The following SERPINA12 variants were observed in gnomAD, a reference collection of about 807,000 sequenced individuals.
SERPINA12 encodes the protein serpin A12.
SERPINA12 carries 21 observed loss-of-function variants against 25.9 expected under a neutral mutation model. That is an observed-to-expected ratio of 0.81 (90% CI 0.58 to 1.17). The LOEUF (loss-of-function observed/expected upper bound fraction) is 1.17. Ranked by LOEUF, SERPINA12 falls within the 50% of genes most tolerant of loss-of-function variation. The pLI, the probability that SERPINA12 is intolerant of heterozygous loss-of-function variation, is 0.00. For missense variants in SERPINA12, 562 were observed against 508.3 expected (o/e 1.11, Z -1.02); for synonymous variants, 220 against 196.0 (o/e 1.12, Z -1.02).
intron 3 of SERPINA12, among the ~76,000 whole-genome samples, chr14:94,492,852 G>T (rs1900235292): frequency 6.6e-6 from 1 of 152,182 alleles, no homozygotes; most frequent in African/African-American, 2.4e-5. Flanking sequence ...TCCTAAAGGT[G>T]GACCCTGGGA....
chr14:94,489,197 A>AAAAGAAAGAAAGAGAGAAAGAGAGAGAG (rs1900042451), intron 4 of SERPINA12, among the ~76,000 whole-genome samples: 2 of 149,522 alleles, frequency 1.3e-5, no homozygotes, highest in African/African-American at 4.9e-5. Flanking sequence ...CAGAGAAAGA[A>AAAAGAAAGAAAGAGAGAAAGAGAGAGAG]AAAGAAAGAA....
upstream of SERPINA12, chr14:94,511,802 C>G (rs1348532546): frequency 1.2e-6 from 1 of 848,474 alleles, no homozygotes; most frequent in African/African-American, 1.8e-5. Flanking sequence ...CATAAGCTCA[C>G]AGACCAGGGA....
At position 94,496,570 on chromosome 14, in the gene SERPINA12, G is replaced by A. The variant is rs1455079082; in HGVS notation, c.708C>T (p.Val236=). The A allele has an allele frequency of 1.2e-6, 2 of 1,613,968 alleles. No individual in the cohort carries two copies. The highest frequency in any genetic ancestry group is 1.7e-6 in the Non-Finnish European group (2 of 1,179,864). The change falls in exon 3 of 5, where the codon GTC becomes GTT. Residue 236 remains valine, a synonymous_variant. Transcript: ENST00000677451. ...EDFFLEKNSS[V]KVPMMFRSGI... ...CACTACGGAACATCATGGGCACCTT[G>A]ACTGAACTGTTTTTCTCCAGAAAGA...
intron 1 of SERPINA12, among the ~76,000 whole-genome samples, chr14:94,507,732 G>A (rs575993991): frequency 5.3e-5 from 8 of 152,272 alleles, no homozygotes; most frequent in Admixed American, 3.3e-4. Flanking sequence ...CTTATATTGC[G>A]GGTGGGTGTG....
chr14:94,496,210 C>A (rs1413561145), intron 3 of SERPINA12, among the ~76,000 whole-genome samples, 163 bp downstream of exon 3: 1 of 152,218 alleles, frequency 6.6e-6, no homozygotes, highest in East Asian at 1.9e-4. Context: ...CCAGGCACTT[C>A]ACTCTATTCC....
In SERPINA12 at chr14:94,498,043, T is replaced by A; in HGVS notation, c.355A>T (p.Ile119Phe). The change falls in exon 2 of 5, where the codon ATC becomes TTC. Residue 119 changes from isoleucine to phenylalanine, a missense_variant. By Grantham distance (21) the Ile-to-Phe change is conservative. Coordinates refer to ENST00000677451, the MANE Select transcript of SERPINA12 (RefSeq NM_001382267.1). ...EKDLHEGFHY[I>F]IHELTQKTQD... The stretch of plus-strand genomic sequence containing the variant: ...GTCTTCTGGGTCAGCTCGTGGATGA[T>A]GTAATGGAAGCCCTCATGAAGATCT... 1 of 1,614,172 alleles carries A rather than the reference T, an allele frequency of 6.2e-7. No individual in the cohort carries two copies. The highest frequency in any genetic ancestry group is 8.5e-7 in the Non-Finnish European group (1 of 1,180,034).
chr14:94,496,236 A>G (rs1900410907), intron 3 of SERPINA12, 137 bp downstream of exon 3: 1 of 815,292 alleles, frequency 1.2e-6, no homozygotes, highest in Non-Finnish European at 1.9e-6. Flanking sequence ...TTTGTTCCCC[A>G]GTCTAATTCT....
Position 94,489,670 on chromosome 14 carries a change from G to A in SERPINA12, c.1003C>T (p.His335Tyr). ...YIGVSKIFEE[H>Y]GDLTKIAPHR... ...GGGGCGATCTTGGTGAGATCACCATGTTCCTCAAAGATTTTGGAGACACCT... is the reference window on the plus strand; with the variant it reads ...GGGGCGATCTTGGTGAGATCACCATATTCCTCAAAGATTTTGGAGACACCT... Residue 335 changes from histidine (H) to tyrosine (Y), a missense_variant, in exon 4 of 5, where the codon CAT (histidine) becomes TAT (tyrosine). Physicochemically the swap from His to Tyr is moderately conservative, Grantham distance 83. Transcript: ENST00000677451. The A allele has an allele frequency of 6.2e-7, 1 of 1,614,220 alleles. No individual in the cohort carries two copies. Among genetic ancestry groups the A allele is most frequent in the East Asian group, 2.2e-5 (1 of 44,882 alleles).
intron 3 of SERPINA12, among the ~76,000 whole-genome samples, chr14:94,490,023 T>A (rs3736805): frequency 1.3e-5 from 2 of 151,508 alleles, no homozygotes; most frequent in African/African-American, 4.9e-5. Context: ...AAGTCTCAAG[T>A]TCCCCCGTCT....
At chr14:94,503,028 C>T (rs144611751) in intron 1 of SERPINA12, among the ~76,000 whole-genome samples, 71 of 152,330 alleles carry the variant, frequency 4.7e-4, no homozygotes, top group African/African-American at 1.6e-3. Context: ...AAAGGTGTGC[C>T]TTGGCCTCCC....
chr14:94,487,582 AC>A, intron 4 of SERPINA12, 88 bp from the exon 5 acceptor site: 1 of 1,200,374 alleles, frequency 8.3e-7, no homozygotes. Context: ...AGAGAGGAAG[AC>A]CACTTGGCCC....
chr14:94,496,873 G>A (rs920901662), intron 2 of SERPINA12, among the ~76,000 whole-genome samples: 1 of 152,152 alleles, frequency 6.6e-6, no homozygotes, highest in African/African-American at 2.4e-5. Flanking sequence ...ATTAAGAGGG[G>A]AAAAGAAGAC....
At chr14:94,500,482 G>A (rs1373299397) in intron 1 of SERPINA12, among the ~76,000 whole-genome samples, 2 of 152,188 alleles carry the variant, frequency 1.3e-5, no homozygotes, top group East Asian at 1.9e-4. Context: ...CTACTGGTTG[G>A]TTCAGGAGCC....
chr14:94,487,625 C>T, intron 4 of SERPINA12, 131 bp from the exon 5 acceptor site: 1 of 623,954 alleles, frequency 1.6e-6, no homozygotes, highest in Non-Finnish European at 2.7e-6. Flanking sequence ...ACTTGGTTTA[C>T]TCCAGGGTTC....
At chr14:94,489,929 G>A (rs1293569936) in intron 3 of SERPINA12, among the ~76,000 whole-genome samples, 162 bp from the exon 4 acceptor site, 1 of 152,112 alleles carries the variant, frequency 6.6e-6, no homozygotes, top group Non-Finnish European at 1.5e-5. Context: ...CTGGGACCCT[G>A]GTTTCAAAAC....
intron 1 of SERPINA12, chr14:94,503,930 A>G (rs1900837082): frequency 1.3e-5 from 2 of 152,254 alleles, no homozygotes; most frequent in Admixed American, 1.3e-4. Flanking sequence ...AGCACTGGGC[A>G]GTAGACATCC....
At chr14:94,508,884 GTC>G (rs952361633) in intron 1 of SERPINA12, among the ~76,000 whole-genome samples, 1 of 152,120 alleles carries the variant, frequency 6.6e-6, no homozygotes, top group Non-Finnish European at 1.5e-5. Context: ...CTTTGTCTTT[GTC>G]TCTGCAGAAC....
intron 3 of SERPINA12, among the ~76,000 whole-genome samples, chr14:94,491,862 T>C (rs1026917639): frequency 2.2e-4 from 34 of 151,970 alleles, no homozygotes; most frequent in Non-Finnish European, 5.9e-5. Flanking sequence ...ACTCTGGAAT[T>C]TGGGGGAGAA....
At chr14:94,503,261 G>A (rs1566813385) in intron 1 of SERPINA12, 2 of 984,716 alleles carry the variant, frequency 2.0e-6, no homozygotes, top group Non-Finnish European at 2.4e-6. Flanking sequence ...AAACTCTGAT[G>A]ACCACAGCAA....
Sources: allele counts gnomAD v4.1 joint callset (sites outside exome capture counted in the v4.1 genomes callset), GRCh38; gene constraint gnomAD v4.1.1; transcripts MANE v1.5; gene names NCBI Gene and HGNC (gene_info 2026-07-23, HGNC 2026-07-21).